The following ACER2 variants were observed in gnomAD, a reference collection of about 807,000 sequenced individuals.
ACER2 encodes alkaline ceramidase 2.
In ACER2, 26 loss-of-function variants were observed where a neutral mutation model predicts 34.7. The observed-to-expected ratio is 0.75, with a 90% confidence interval of 0.55 to 1.04. The LOEUF (loss-of-function observed/expected upper bound fraction) is 1.04, where lower values mean the gene tolerates loss of function less well. Ranked by LOEUF, ACER2 falls within the 50% of genes least tolerant of loss-of-function variation. The pLI is 0.00. For missense variants in ACER2, 352 were observed against 340.8 expected (o/e 1.03, Z -0.26); for synonymous variants, 138 against 132.1 (o/e 1.04, Z -0.31).
intron 1 of ACER2, among the ~76,000 whole-genome samples, chr9:19,415,151 T>A (rs1398718284): frequency 1.3e-5 from 2 of 152,172 alleles, no homozygotes; most frequent in Non-Finnish European, 2.9e-5. Flanking sequence ...TTGAAGCATA[T>A]GGCAAAATAG....
At chr9:19,434,639 G>A (rs1214152210) in intron 3 of ACER2, among the ~76,000 whole-genome samples, 5 of 152,226 alleles carry the variant, frequency 3.3e-5, no homozygotes, top group African/African-American at 1.2e-4. Context: ...CAGGTGTGGC[G>A]GTGCGCGCCT....
chr9:19,428,189 CAG>C (rs1424563893), intron 3 of ACER2, among the ~76,000 whole-genome samples: 1 of 150,008 alleles, frequency 6.7e-6, no homozygotes, highest in Admixed American at 6.7e-5. Flanking sequence ...TTTTTTGAGA[CAG>C]AGTTTCACTC....
intron 5 of ACER2, among the ~76,000 whole-genome samples, chr9:19,447,876 A>C (rs561817113): frequency 6.6e-6 from 1 of 152,094 alleles, no homozygotes; most frequent in African/African-American, 2.4e-5. Flanking sequence ...TCATAATTCT[A>C]TCCCCCAAAG....
At chr9:19,435,634 C>T (rs1472363636) in intron 4 of ACER2, among the ~76,000 whole-genome samples, 1 of 152,080 alleles carries the variant, frequency 6.6e-6, no homozygotes, top group Non-Finnish European at 1.5e-5. Flanking sequence ...CACCTGTAAT[C>T]CCAGCTACTC....
At chr9:19,416,777 C>A (rs1057152961) in intron 1 of ACER2, among the ~76,000 whole-genome samples, 1 of 152,078 alleles carries the variant, frequency 6.6e-6, no homozygotes, top group Admixed American at 6.5e-5. Flanking sequence ...AGGTGATCCA[C>A]CTGCCTCAGC....
At chr9:19,448,235 A>G (rs533292155) in intron 5 of ACER2, among the ~76,000 whole-genome samples, 31 of 151,754 alleles carry the variant, frequency 2.0e-4, no homozygotes, top group Admixed American at 1.6e-3. Context: ...CTAGTCAGAA[A>G]CTCCTGGGCT....
At chr9:19,419,259 C>T (rs1309863009) in intron 1 of ACER2, among the ~76,000 whole-genome samples, 1 of 152,188 alleles carries the variant, frequency 6.6e-6, no homozygotes, top group Non-Finnish European at 1.5e-5. Context: ...CTGATTCCTC[C>T]ATGCCTGCTT....
At chr9:19,419,440 T>C (rs1830335272) in intron 1 of ACER2, among the ~76,000 whole-genome samples, 1 of 152,100 alleles carries the variant, frequency 6.6e-6, no homozygotes. Context: ...AGCACTCCTA[T>C]GTGGGAAGGA....
Position 19,451,328 on chromosome 9 carries a change from A to G in ACER2, c.*692A>G, listed in dbSNP as rs1387022711. On this transcript the variant is annotated 3_prime_UTR_variant, in exon 6 of 6. Transcript: ENST00000340967. Reference sequence around the variant, plus strand: ...GATGCCAGAGATTTTCCTTTGGGGTAATTGTCCTTAAACAAAACCAAACAG... The same window carrying G: ...GATGCCAGAGATTTTCCTTTGGGGTGATTGTCCTTAAACAAAACCAAACAG... 1 of 152,678 alleles carries G rather than the reference A, an allele frequency of 6.5e-6. No homozygotes were observed. The highest frequency in any genetic ancestry group is 1.5e-5 in the Non-Finnish European group (1 of 68,080). The allele number at this position is 152,678 out of a possible 1,614,324, so 9.5% of individuals were successfully genotyped here.
chr9:19,446,030 C>CA (rs1260207176), intron 4 of ACER2, among the ~76,000 whole-genome samples: 1 of 152,068 alleles, frequency 6.6e-6, no homozygotes, highest in Non-Finnish European at 1.5e-5. Flanking sequence ...GTGCTCGTGT[C>CA]AAAAATGTAG....
At chr9:19,445,414 G>A (rs1265233310) in intron 4 of ACER2, among the ~76,000 whole-genome samples, 2 of 152,238 alleles carry the variant, frequency 1.3e-5, no homozygotes, top group Non-Finnish European at 2.9e-5. Flanking sequence ...AAACACATAA[G>A]TGAAACACAG....
At chr9:19,433,760 T>C (rs1278126961) in intron 3 of ACER2, among the ~76,000 whole-genome samples, 8 of 140,854 alleles carry the variant, frequency 5.7e-5, no homozygotes, top group African/African-American at 8.0e-5. Flanking sequence ...ACCTCCCGGA[T>C]GGGGCGGCTG....
At chr9:19,424,504 C>G (rs1229919511) in intron 2 of ACER2, 196 bp from the exon 3 acceptor site, 2 of 985,212 alleles carry the variant, frequency 2.0e-6, no homozygotes, top group Non-Finnish European at 2.4e-6. Context: ...TATTTGGGCC[C>G]TAGTTGAAAT....
At position 19,446,205 on chromosome 9, in the gene ACER2, G is replaced by C; in HGVS notation, c.504-76G>C. 1.9e-6 allele frequency: 3 copies of C among 1,607,172 alleles called. No homozygotes were observed. The South Asian group carries it at 3.3e-5, about 18-fold the overall frequency. On this transcript the variant is annotated intron_variant, in intron 4 of 5. Coordinates refer to ENST00000340967, the MANE Select transcript of ACER2 (RefSeq NM_001010887.3). ...GTAGGCATGAGAGGAACCAGCGAAG[G>C]AGACACAGGAAAGGTGGCCAGCAAG...
At chr9:19,441,263 A>C (rs573105195) in intron 4 of ACER2, among the ~76,000 whole-genome samples, 27 of 151,972 alleles carry the variant, frequency 1.8e-4, no homozygotes, top group Non-Finnish European at 3.8e-4. Context: ...GTTAGCCAGG[A>C]TGGTCTCAAT....
At chr9:19,428,539 T>C (rs1044822736) in intron 3 of ACER2, among the ~76,000 whole-genome samples, 4 of 151,168 alleles carry the variant, frequency 2.6e-5, no homozygotes, top group African/African-American at 9.8e-5. Flanking sequence ...GACAGGAGAG[T>C]GTGGTGGCTA....
chr9:19,410,609 C>T (rs1290481270), intron 1 of ACER2, among the ~76,000 whole-genome samples: 1 of 152,136 alleles, frequency 6.6e-6, no homozygotes, highest in Non-Finnish European at 1.5e-5. Flanking sequence ...ACTTGGGAAG[C>T]TGAGGTGGGA....
chr9:19,433,450 T>TC (rs1830826634), intron 3 of ACER2, among the ~76,000 whole-genome samples: 1 of 152,016 alleles, frequency 6.6e-6, no homozygotes, highest in Non-Finnish European at 1.5e-5. Context: ...AGCACATGTT[T>TC]CAGAGAGCAC....
In ACER2 at chr9:19,450,677, T is replaced by C. The variant is rs1831542033; in HGVS notation, c.*41T>C. On this transcript the variant is annotated 3_prime_UTR_variant, in exon 6 of 6. Transcript: ENST00000340967. ...TGGCTTCTCTGCTTATCGCCCCTCA[T>C]GCAGTGGGCTTCCTTTGCTAGGAAG... The C allele has an allele frequency of 4.7e-6, 7 of 1,491,666 alleles. No homozygotes were observed. Among genetic ancestry groups the C allele is most frequent in the Non-Finnish European group, 6.4e-6 (7 of 1,100,320 alleles). The allele number at this position is 1,491,666 out of a possible 1,614,324, so 92.4% of individuals were successfully genotyped here.
Sources: allele counts gnomAD v4.1 joint callset (sites outside exome capture counted in the v4.1 genomes callset), GRCh38; gene constraint gnomAD v4.1.1; transcripts MANE v1.5; gene names NCBI Gene and HGNC (gene_info 2026-07-23, HGNC 2026-07-21).